Variants in ABCC4 observed in about 807,000 individuals in gnomAD.
ABCC4 encodes ATP-binding cassette sub-family C member 4.
Under a neutral mutation model 168.5 loss-of-function variants are expected in ABCC4, and 102 were observed. That is an observed-to-expected ratio of 0.61 (90% CI 0.52 to 0.71). ABCC4 has a LOEUF of 0.71. Among genes scored for constraint, ABCC4 ranks in the 30% least tolerant of loss-of-function variants. ABCC4 has a pLI of 0.00. For missense variants in ABCC4, 1,402 were observed against 1,605.8 expected, an observed-to-expected ratio of 0.87 and a Z score of 2.17; for synonymous variants, 617 against 590.7, an observed-to-expected ratio of 1.04 and a Z score of -0.65.
At chr13:95,296,893 T>C (rs1431886362) in intron 1 of ABCC4, among the ~76,000 whole-genome samples, 2 of 151,846 alleles carry the variant, frequency 1.3e-5, no homozygotes, top group African/African-American at 2.4e-5. Flanking sequence ...ACGAGCTGTT[T>C]GGGGAAAAAA....
At chr13:95,107,259 A>AAAAAC (rs1439123302) in intron 20 of ABCC4, among the ~76,000 whole-genome samples, 8 of 152,324 alleles carry the variant, frequency 5.3e-5, no homozygotes, top group Admixed American at 2.0e-4. Context: ...CTCCTCTCAA[A>AAAAAC]AAAACAAAAC....
At chr13:95,117,319 A>G (rs2035414101) in intron 19 of ABCC4, among the ~76,000 whole-genome samples, 1 of 152,100 alleles carries the variant, frequency 6.6e-6, no homozygotes, top group Non-Finnish European at 1.5e-5. Context: ...TAGAAAACCA[A>G]AACCAAAAAG....
intron 29 of ABCC4, among the ~76,000 whole-genome samples, chr13:95,036,067 C>T (rs2032107017): frequency 6.6e-6 from 1 of 152,088 alleles, no homozygotes; most frequent in Non-Finnish European, 1.5e-5. Flanking sequence ...TTAAAATGTC[C>T]TATAATTTGG....
chr13:95,175,050 T>C (rs1437608677), intron 13 of ABCC4, among the ~76,000 whole-genome samples: 1 of 152,160 alleles, frequency 6.6e-6, no homozygotes, highest in African/African-American at 2.4e-5. Flanking sequence ...CATCATCCCA[T>C]ACCAGGCACA....
intron 4 of ABCC4, among the ~76,000 whole-genome samples, chr13:95,231,450 A>G (rs1480534652): frequency 2.0e-5 from 3 of 152,158 alleles, no homozygotes; most frequent in African/African-American, 4.8e-5. Flanking sequence ...CAGTCATTCC[A>G]TTTGCAACAG....
chr13:95,134,881 C>T (rs1379372987), intron 19 of ABCC4, among the ~76,000 whole-genome samples: 1 of 152,010 alleles, frequency 6.6e-6, no homozygotes, highest in South Asian at 2.1e-4. Context: ...GAGCTTGGGG[C>T]CTCACTTTCA....
chr13:95,158,437 T>C (rs765697430), intron 19 of ABCC4, among the ~76,000 whole-genome samples: 10 of 152,140 alleles, frequency 6.6e-5, no homozygotes, highest in Non-Finnish European at 1.3e-4. Context: ...CCGGTGTGAA[T>C]CACCTGGAGT....
rs1475907502 is a variant in ABCC4 at position 95,186,839 on chromosome 13, G to C, written c.1407C>G (p.Val469=). 5.0e-6 allele frequency: 8 copies of C among 1,614,010 alleles called. No individual in the cohort carries two copies. The highest frequency in any genetic ancestry group is 6.8e-6 in the Non-Finnish European group (8 of 1,179,972). Residue 469 remains valine, a synonymous_variant, in exon 11 of 31, where the codon GTC becomes GTG. Transcript: ENST00000645237. ...CATAGGCAATTCTTCCATGCACGCTGACCAGCCCGTGACTTGGGGCCAATT... is the reference window on the plus strand; with the variant it reads ...CATAGGCAATTCTTCCATGCACGCTCACCAGCCCGTGACTTGGGGCCAATT... ...LGELAPSHGL[V]SVHGRIAYVS...
intron 25 of ABCC4, among the ~76,000 whole-genome samples, chr13:95,067,154 C>T (rs528737382): frequency 1.3e-5 from 2 of 152,242 alleles, no homozygotes; most frequent in East Asian, 1.9e-4. Flanking sequence ...TCAAATACAT[C>T]GCTGTGCTGA....
At chr13:95,183,712 A>G (rs2139611096) in intron 11 of ABCC4, among the ~76,000 whole-genome samples, 1 of 152,316 alleles carries the variant, frequency 6.6e-6, no homozygotes, top group South Asian at 2.1e-4. Flanking sequence ...CAAGAGTTCA[A>G]GACCAGCTGG....
At chr13:95,202,127 T>C (rs117456826) in intron 8 of ABCC4, among the ~76,000 whole-genome samples, 2 of 152,310 alleles carry the variant, frequency 1.3e-5, no homozygotes, top group East Asian at 1.9e-4. Flanking sequence ...TCCTACATAA[T>C]GTCAGCGGGG....
At chr13:95,250,857 A>G (rs2040238637) in intron 1 of ABCC4, among the ~76,000 whole-genome samples, 1 of 146,524 alleles carries the variant, frequency 6.8e-6, no homozygotes, top group African/African-American at 2.5e-5. Context: ...AGATCCGATC[A>G]GAGCTCAGCA....
chr13:95,252,574 C>T (rs1401137315), intron 1 of ABCC4, among the ~76,000 whole-genome samples: 1 of 152,170 alleles, frequency 6.6e-6, no homozygotes, highest in Non-Finnish European at 1.5e-5. Context: ...ATTTGGGAGG[C>T]TGAGGCAGGA....
At chr13:95,034,568 G>A (rs1188045462) in intron 30 of ABCC4, 37 bp downstream of exon 30, 1 of 1,603,376 alleles carries the variant, frequency 6.2e-7, no homozygotes, top group East Asian at 2.2e-5. Context: ...GAGCCGCTGA[G>A]ACAAACTTTA....
rs1254858415 is a variant in ABCC4, at chr13:95,062,798, A to C, written c.3272T>G (p.Leu1091Trp). Residue 1091 changes from leucine to tryptophan, a missense_variant, in exon 26 of 31, where the codon TTG (leucine) becomes TGG (tryptophan). By Grantham distance (61) the Leu-to-Trp change is moderately conservative. Around this residue, in one of 3 missense-constraint regions of ABCC4, gnomAD observed 1,007 missense variants for 1,127.3 expected, o/e 0.89. Coordinates refer to ENST00000645237, the MANE Select transcript of ABCC4 (RefSeq NM_005845.5). ...CCAAATTTTACCTTCGGGTTCTGAC[A>C]ATCTAAAAAGGGCTGAGATGAGGGA... The part of the protein sequence containing the change: ...KSSLISALFR[L>W]SEPEGKIWID... 9.3e-6 allele frequency: 15 copies of C among 1,613,824 alleles called. No homozygotes were observed. Among genetic ancestry groups the C allele is most frequent in the African/African-American group, 2.7e-5 (2 of 74,856 alleles).
intron 20 of ABCC4, chr13:95,095,687 G>A (rs906501164): frequency 3.9e-5 from 6 of 152,170 alleles, no homozygotes; most frequent in African/African-American, 1.5e-4. Flanking sequence ...GTAACTTATG[G>A]AAAACTAACA....
chr13:95,240,040 C>A (rs1349602584), intron 3 of ABCC4, among the ~76,000 whole-genome samples: 1 of 152,132 alleles, frequency 6.6e-6, no homozygotes, highest in East Asian at 1.9e-4. Context: ...ACAAAGTACT[C>A]TTGCCAAAGG....
intron 16 of ABCC4, 138 bp from the exon 17 acceptor site, chr13:95,163,785 C>A (rs1282594972): frequency 1.4e-5 from 10 of 698,810 alleles, no homozygotes; most frequent in Non-Finnish European, 2.5e-5. Flanking sequence ...TAAACCCCAG[C>A]ACTTTGGGAG....
chr13:95,270,873 A>G (rs2040829490), intron 1 of ABCC4, among the ~76,000 whole-genome samples: 1 of 152,176 alleles, frequency 6.6e-6, no homozygotes, highest in African/African-American at 2.4e-5. Context: ...AGGCGAGACG[A>G]TTATAAGGTC....
Sources: allele counts gnomAD v4.1 joint callset (sites outside exome capture counted in the v4.1 genomes callset), GRCh38; gene constraint gnomAD v4.1.1; regional missense constraint gnomAD v4.1.1; transcripts MANE v1.5; gene names NCBI Gene and HGNC (gene_info 2026-07-23, HGNC 2026-07-21).